The following SORCS1 variants were observed in gnomAD, a reference collection of about 807,000 sequenced individuals.
SORCS1 encodes sortilin related VPS10 domain containing receptor 1.
Under a neutral mutation model 146.1 loss-of-function variants are expected in SORCS1, and 60 were observed. The observed-to-expected ratio is 0.41, with a 90% CI of 0.33 to 0.51. SORCS1 has a LOEUF of 0.51. Ranked by LOEUF, SORCS1 falls within the 20% of genes least tolerant of loss-of-function variation. SORCS1 has a pLI of 0.21. For synonymous variants in SORCS1, 637 were observed against 584.0 expected, an observed-to-expected ratio of 1.09 and a Z score of -1.31; for missense variants, 1,352 against 1,487.6, an observed-to-expected ratio of 0.91 and a Z score of 1.50.
intron 6 of SORCS1, among the ~76,000 whole-genome samples, chr10:106,720,358 A>G (rs912027857): frequency 2.0e-5 from 3 of 151,882 alleles, no homozygotes; most frequent in African/African-American, 7.3e-5. Flanking sequence ...TAATCTTTGT[A>G]AGCCCCACTT....
chr10:106,634,839 A>C (rs1848638747), intron 18 of SORCS1, among the ~76,000 whole-genome samples: 1 of 152,232 alleles, frequency 6.6e-6, no homozygotes, highest in Admixed American at 6.5e-5. Context: ...TAATTGAAAA[A>C]TACTTCAATC....
chr10:106,863,169 A>G (rs1175408929), intron 2 of SORCS1, among the ~76,000 whole-genome samples: 4 of 152,194 alleles, frequency 2.6e-5, no homozygotes. Flanking sequence ...TGAAAACTGT[A>G]GTTACATTTG....
rs73371999 is a variant in SORCS1 at position 107,030,449 on chromosome 10, G to T, written c.559-73869C>A. Among the ~76,000 whole-genome samples the T allele has an allele frequency of 2.1e-3, 326 of 152,246 alleles. 3 individuals are homozygous for T. The highest frequency in any genetic ancestry group is 7.7e-3 in the African/African-American group (318 of 41,552). On this transcript the variant is annotated intron_variant, in intron 1 of 25. Coordinates refer to ENST00000263054, the MANE Select transcript of SORCS1 (RefSeq NM_052918.5). ...CTAACTTCTCTACGCTTTTGCCTGT[G>T]TCCCACACTTTATGTCTCAGTTCTC...
At chr10:107,169,370 TA>T (rs1278510411), upstream of SORCS1, among the ~76,000 whole-genome samples, 1 of 152,180 alleles carries the variant, frequency 6.6e-6, no homozygotes, top group Non-Finnish European at 1.5e-5. Flanking sequence ...ATGGGATTTT[TA>T]AAATCTGTCC....
rs1335242130 is a variant in SORCS1 at position 106,652,391 on chromosome 10, T to C, written c.2466A>G (p.Gln822=). 6.2e-7 allele frequency: 1 copy of C among 1,613,964 alleles called. No homozygotes were observed. The highest frequency in any genetic ancestry group is 1.1e-5 in the South Asian group (1 of 91,078). The change falls in exon 18 of 26, where the codon CAA becomes CAG. Residue 822 remains glutamine (Q), a synonymous_variant. Transcript: ENST00000263054. ...EQGHNVTLMV[Q]LEEGDVQRTL... Reference sequence around the variant, plus strand: ...TAGGAATCAGTCCTACCTCTTCTAATTGCACCATGAGAGTGACGTTGTGTC... The same window carrying C: ...TAGGAATCAGTCCTACCTCTTCTAACTGCACCATGAGAGTGACGTTGTGTC...
chr10:106,639,332 A>G (rs1363687778), intron 18 of SORCS1, among the ~76,000 whole-genome samples: 1 of 152,154 alleles, frequency 6.6e-6, no homozygotes, highest in Non-Finnish European at 1.5e-5. Flanking sequence ...ACTGAAGACT[A>G]TTTCATGAAT....
At chr10:107,092,884 A>G (rs559123390) in intron 1 of SORCS1, among the ~76,000 whole-genome samples, 70 of 49,908 alleles carry the variant, frequency 1.4e-3, no homozygotes, top group African/African-American at 5.1e-3. Flanking sequence ...GAAGACCATG[A>G]AAAAAAAAAA....
chr10:106,693,626 G>A (rs973547134), intron 9 of SORCS1, among the ~76,000 whole-genome samples: 3 of 152,170 alleles, frequency 2.0e-5, no homozygotes, highest in Non-Finnish European at 4.4e-5. Flanking sequence ...TTTTTTGAGA[G>A]TTAGAATGTG....
At chr10:106,959,208 T>C (rs1955106958) in intron 1 of SORCS1, among the ~76,000 whole-genome samples, 1 of 152,172 alleles carries the variant, frequency 6.6e-6, no homozygotes, top group Admixed American at 6.5e-5. Context: ...CTTGCAGGGC[T>C]AGTAAAACTG....
At chr10:106,893,947 T>A (rs1951343377) in intron 2 of SORCS1, among the ~76,000 whole-genome samples, 1 of 152,038 alleles carries the variant, frequency 6.6e-6, no homozygotes, top group Non-Finnish European at 1.5e-5. Context: ...TGCACAGAAG[T>A]TTTTCATTAA....
chr10:106,847,896 T>C (rs1241466408), intron 2 of SORCS1, among the ~76,000 whole-genome samples: 1 of 150,758 alleles, frequency 6.6e-6, no homozygotes, highest in Non-Finnish European at 1.5e-5. Context: ...TGAGTGGCTT[T>C]CAGTGAGATT....
chr10:107,072,024 A>T (rs1379091674), intron 1 of SORCS1, among the ~76,000 whole-genome samples: 1 of 152,214 alleles, frequency 6.6e-6, no homozygotes, highest in African/African-American at 2.4e-5. Context: ...AACACCAGGC[A>T]ATTTGTTCCT....
the SORCS1 span, among the ~76,000 whole-genome samples, chr10:107,173,716 T>C: frequency 6.6e-6 from 1 of 152,216 alleles, no homozygotes; most frequent in Non-Finnish European, 1.5e-5. Flanking sequence ...TCTTTGTATG[T>C]ATATGGCATG....
intron 2 of SORCS1, among the ~76,000 whole-genome samples, chr10:106,855,563 A>G (rs1949754234): frequency 6.6e-6 from 1 of 151,846 alleles, no homozygotes; most frequent in South Asian, 2.1e-4. Flanking sequence ...CTTGCTCTGT[A>G]TTTGCACTTC....
At chr10:106,795,543 T>C (rs1279943940) in intron 3 of SORCS1, among the ~76,000 whole-genome samples, 1 of 152,096 alleles carries the variant, frequency 6.6e-6, no homozygotes, top group Non-Finnish European at 1.5e-5. Flanking sequence ...CCACGTGATG[T>C]GGGGTTGCTG....
intron 18 of SORCS1, among the ~76,000 whole-genome samples, chr10:106,642,579 G>C (rs763864278): frequency 1.6e-4 from 24 of 152,122 alleles, no homozygotes; most frequent in Non-Finnish European, 3.4e-4. Context: ...TGCTAGTAGG[G>C]GCACATGCCA....
chr10:106,952,335 G>A (rs1319177108), intron 2 of SORCS1, among the ~76,000 whole-genome samples: 1 of 152,004 alleles, frequency 6.6e-6, no homozygotes, highest in African/African-American at 2.4e-5. Context: ...GTCAGTTTGT[G>A]CTAGGCCACC....
chr10:106,638,121 T>TA (rs1422974274), intron 18 of SORCS1, among the ~76,000 whole-genome samples: 1 of 152,212 alleles, frequency 6.6e-6, no homozygotes, highest in African/African-American at 2.4e-5. Context: ...GACATTGCTA[T>TA]ACTGTTACCA....
At chr10:106,970,203 A>G (rs1421179309) in intron 1 of SORCS1, 1 of 152,150 alleles carries the variant, frequency 6.6e-6, no homozygotes, top group Non-Finnish European at 1.5e-5. Flanking sequence ...TTCAATGCGG[A>G]ATACCTTGGC....
Sources: allele counts gnomAD v4.1 joint callset (sites outside exome capture counted in the v4.1 genomes callset), GRCh38; gene constraint gnomAD v4.1.1; transcripts MANE v1.5; gene names NCBI Gene and HGNC (gene_info 2026-07-23, HGNC 2026-07-21).